GARNL3: variants seen among roughly 807,000 people sequenced by gnomAD.
GARNL3 encodes GTPase-activating Rap/Ran-GAP domain-like protein 3.
A neutral mutation model predicts 125.0 loss-of-function variants in GARNL3; 63 were observed. The ratio of observed to expected loss-of-function variants is 0.50; its 90% confidence interval spans 0.41 to 0.62. The LOEUF (loss-of-function observed/expected upper bound fraction) is 0.62. Ranked by LOEUF, GARNL3 falls within the 20% of genes least tolerant of loss-of-function variation. The pLI is 0.00. For missense variants in GARNL3, 994 were observed against 1,244.0 expected (o/e 0.80, Z 3.02); for synonymous variants, 439 against 457.5 (o/e 0.96, Z 0.52).
chr9:127,262,000 G>A (rs776743962), upstream of GARNL3, among the ~76,000 whole-genome samples: 1 of 152,138 alleles, frequency 6.6e-6, no homozygotes, highest in African/African-American at 2.4e-5. Context: ...AGATCTGCAG[G>A]CTTGCTGAGT....
At chr9:127,318,648 C>T (rs2065306089) in intron 5 of GARNL3, among the ~76,000 whole-genome samples, 1 of 152,096 alleles carries the variant, frequency 6.6e-6, no homozygotes, top group Non-Finnish European at 1.5e-5. Context: ...TGCTCAGCCA[C>T]CTCTCGTGCC....
rs2062892270 is a variant in GARNL3, at chr9:127,225,529, G to A, written c.-29+1191G>A. On this transcript the variant is annotated intron_variant, in intron 1 of 10. Transcript: ENST00000439286. ...TCTGCGGAGGTTCTCAGGAGACCGG[G>A]CGCGGAGCCCGGGCTGAACGGCCGT... 1.4e-5 allele frequency: 4 copies of A among 293,472 alleles called. No homozygotes were observed. In the Admixed American group the frequency reaches 1.9e-4, roughly 14 times the overall value. 18.2% of individuals were successfully genotyped at this position (293,472 alleles called of 1,614,324 possible).
At chr9:127,274,903 A>C (rs966635470) in intron 1 of GARNL3, among the ~76,000 whole-genome samples, 22 of 152,050 alleles carry the variant, frequency 1.4e-4, no homozygotes, top group African/African-American at 5.1e-4. Context: ...GTCTCTAAAC[A>C]CACAGACTTT....
chr9:127,335,772 C>G (rs1043673207), intron 10 of GARNL3, among the ~76,000 whole-genome samples: 3 of 152,040 alleles, frequency 2.0e-5, no homozygotes, highest in African/African-American at 7.3e-5. Context: ...AAATGAGACT[C>G]TCCAGGACAT....
intron 11 of GARNL3, among the ~76,000 whole-genome samples, chr9:127,337,294 A>G (rs933514544): frequency 2.0e-5 from 3 of 152,168 alleles, no homozygotes; most frequent in African/African-American, 7.2e-5. Context: ...CAGTAGAAGC[A>G]GTGGTGAGGT....
intron 1 of GARNL3, among the ~76,000 whole-genome samples, chr9:127,235,020 T>C (rs989102379): frequency 4.6e-5 from 7 of 152,140 alleles, no homozygotes; most frequent in Admixed American, 1.3e-4. Flanking sequence ...TATGTCAATA[T>C]GAATAATCTC....
At position 127,243,467 on chromosome 9, in the gene GARNL3, T is replaced by G. The variant is rs541672374; in HGVS notation, c.143+218T>G. On this transcript the variant is annotated intron_variant, in intron 2 of 10. Transcript: ENST00000439286. The stretch of plus-strand genomic sequence containing the variant: ...CTCGTCCAGGTCCTGTGTCAGACAT[T>G]ATGAGCAAAATAGATTCAGTTCTTG... Among the ~76,000 whole-genome samples, 8 of 152,310 alleles carry G rather than the reference T, an allele frequency of 5.3e-5. No homozygotes were observed. The East Asian group carries it at 1.5e-3, about 29-fold the overall frequency.
intron 2 of GARNL3, among the ~76,000 whole-genome samples, chr9:127,294,589 G>T (rs191876038): frequency 4.1e-4 from 62 of 152,286 alleles, no homozygotes; most frequent in African/African-American, 1.4e-3. Context: ...GGCATGAGCC[G>T]CTGCGCCCGG....
chr9:127,308,792 C>G (rs1025471117), intron 2 of GARNL3, among the ~76,000 whole-genome samples: 2 of 152,132 alleles, frequency 1.3e-5, no homozygotes, highest in Non-Finnish European at 2.9e-5. Flanking sequence ...CCTACTCTTG[C>G]GAAATACACA....
intron 1 of GARNL3, among the ~76,000 whole-genome samples, chr9:127,268,748 T>C (rs2063756254): frequency 6.6e-6 from 1 of 152,178 alleles, no homozygotes; most frequent in Non-Finnish European, 1.5e-5. Context: ...CTCAAAAAGC[T>C]AAAAACAGAG....
At chr9:127,319,407 G>A (rs1263963217) in intron 5 of GARNL3, among the ~76,000 whole-genome samples, 2 of 152,068 alleles carry the variant, frequency 1.3e-5, no homozygotes, top group Non-Finnish European at 2.9e-5. Flanking sequence ...GCTTGAACCT[G>A]GGAGGTGGAG....
At position 127,312,119 on chromosome 9, in the gene GARNL3, G is replaced by T. The variant is rs1249963995; in HGVS notation, c.319+384G>T. ...TTCAAGGCAATGAGGGAAATAATTG[G>T]TTCCCTGAGCTCCAGGGCCTGTATA... On this transcript the variant is annotated intron_variant, in intron 3 of 27. Coordinates refer to ENST00000373387, the MANE Select transcript of GARNL3 (RefSeq NM_032293.5). Among the ~76,000 whole-genome samples the T allele has an allele frequency of 5.3e-5, 8 of 152,160 alleles. 1 individual carries two copies. Among genetic ancestry groups the T allele is most frequent in the Admixed American group, 5.2e-4 (8 of 15,272 alleles).
chr9:127,256,154 C>A (rs1447498651), intron 2 of GARNL3, among the ~76,000 whole-genome samples: 1 of 152,138 alleles, frequency 6.6e-6, no homozygotes, highest in Non-Finnish European at 1.5e-5. Context: ...AGTGATGTTT[C>A]CCATACCAAA....
At chr9:127,383,796 T>C (rs1317769136) in intron 23 of GARNL3, among the ~76,000 whole-genome samples, 1 of 152,236 alleles carries the variant, frequency 6.6e-6, no homozygotes, top group African/African-American at 2.4e-5. Context: ...CAATTAAATG[T>C]CATTTTTCAG....
At chr9:127,322,500 A>T (rs1407619657) in intron 6 of GARNL3, among the ~76,000 whole-genome samples, 5 of 152,000 alleles carry the variant, frequency 3.3e-5, no homozygotes, top group Non-Finnish European at 7.4e-5. Context: ...GCTTTCCTAC[A>T]TTTGTATTTT....
intron 1 of GARNL3, among the ~76,000 whole-genome samples, chr9:127,237,428 T>A (rs1260479960): frequency 6.6e-6 from 1 of 152,220 alleles, no homozygotes; most frequent in Non-Finnish European, 1.5e-5. Flanking sequence ...ATCTGACTTG[T>A]GGAATCTAAA....
At chr9:127,259,382 A>C (rs898871209), upstream of GARNL3, among the ~76,000 whole-genome samples, 1 of 152,142 alleles carries the variant, frequency 6.6e-6, no homozygotes, top group Non-Finnish European at 1.5e-5. Flanking sequence ...TTATATTTAG[A>C]GCCTGGACCA....
Position 127,291,637 on chromosome 9 carries a change from A to G in GARNL3, c.219+395A>G, listed in dbSNP as rs969446591. Among the ~76,000 whole-genome samples the G allele has an allele frequency of 2.0e-5, 3 of 151,314 alleles. No homozygotes were observed. In the East Asian group the frequency reaches 5.9e-4, roughly 30 times the overall value. On this transcript the variant is annotated intron_variant, in intron 2 of 27. Transcript: ENST00000373387. ...AATGACAAAATGTCACCAGGAAAAG[A>G]GGCTGGTACTGCCTACTGCTCCTTG...
intron 22 of GARNL3, among the ~76,000 whole-genome samples, chr9:127,366,105 T>C (rs987356372): frequency 1.4e-4 from 22 of 152,210 alleles, no homozygotes; most frequent in African/African-American, 5.3e-4. Flanking sequence ...CTGCCCAGTC[T>C]AACAAGACAT....
Sources: gnomAD v4.1 joint callset for allele counts (sites outside exome capture counted in the v4.1 genomes callset) on GRCh38, gnomAD v4.1.1 for gene constraint, MANE v1.5 for transcripts, NCBI Gene and HGNC (gene_info 2026-07-23, HGNC 2026-07-21) for gene names.